The following ARHGEF28 variants were observed in gnomAD, a reference collection of about 807,000 sequenced individuals.
ARHGEF28 encodes the protein Rho guanine nucleotide exchange factor 28.
In ARHGEF28, 152 loss-of-function variants were observed where a neutral mutation model predicts 206.6. The observed-to-expected ratio is 0.74, with a 90% CI of 0.64 to 0.84. ARHGEF28 has a LOEUF of 0.84. ARHGEF28 is among the 40% of genes least tolerant of loss of function. The pLI is 0.00. For missense variants in ARHGEF28, 2,028 were observed against 2,073.2 expected, an observed-to-expected ratio of 0.98 and a Z score of 0.42; for synonymous variants, 763 against 776.4, an observed-to-expected ratio of 0.98 and a Z score of 0.29.
At chr5:73,820,034 G>A (rs1224626880) in intron 9 of ARHGEF28, among the ~76,000 whole-genome samples, 1 of 152,098 alleles carries the variant, frequency 6.6e-6, no homozygotes, top group East Asian at 1.9e-4. Flanking sequence ...CTTGAAGGCG[G>A]CCAGCCCATT....
chr5:73,765,711 T>A lies in ARHGEF28; in HGVS notation c.476-8144T>A, dbSNP rs147148990. 6.7e-4 allele frequency among the ~76,000 whole-genome samples: 102 copies of A among 152,316 alleles called. 2 individuals carry two copies. Among genetic ancestry groups the A allele is most frequent in the African/African-American group, 2.3e-3 (97 of 41,568 alleles). On this transcript the variant is annotated intron_variant, in intron 4 of 35. Transcript: ENST00000513042. ...TGTATCCACAGGGCCTGGCAGATAATAATGGTCTCATTCAATGTTTGTCTA... is the reference window on the plus strand; with the variant it reads ...TGTATCCACAGGGCCTGGCAGATAAAAATGGTCTCATTCAATGTTTGTCTA...
chr5:73,822,202 C>T (rs1026365330), intron 9 of ARHGEF28, among the ~76,000 whole-genome samples: 1 of 152,168 alleles, frequency 6.6e-6, no homozygotes, highest in Non-Finnish European at 1.5e-5. Flanking sequence ...ACAGCTCTCA[C>T]TCCCAGCACC....
intron 35 of ARHGEF28, among the ~76,000 whole-genome samples, chr5:73,917,063 G>T (rs1238691212): frequency 1.3e-5 from 2 of 152,142 alleles, no homozygotes; most frequent in Non-Finnish European, 2.9e-5. Flanking sequence ...GAGTCTATAG[G>T]TTTATTTCCT....
chr5:73,822,645 T>C (rs539208766), intron 9 of ARHGEF28, among the ~76,000 whole-genome samples: 2 of 152,274 alleles, frequency 1.3e-5, no homozygotes, highest in South Asian at 4.1e-4. Context: ...CCCCATTTTT[T>C]TTAGAGACAG....
chr5:73,873,393 A>G, intron 22 of ARHGEF28, 147 bp downstream of exon 22: 2 of 1,114,962 alleles, frequency 1.8e-6, no homozygotes, highest in Non-Finnish European at 2.5e-6. Context: ...GTTAGATTGT[A>G]ACTCCCAGTA....
At chr5:73,739,204 G>A (rs981641830) in intron 2 of ARHGEF28, among the ~76,000 whole-genome samples, 14 of 151,930 alleles carry the variant, frequency 9.2e-5, no homozygotes, top group Admixed American at 3.3e-4. Context: ...TTATAAATGT[G>A]TTCTTTAAGT....
In ARHGEF28 at chr5:73,759,984, C is replaced by T. The variant is rs1752518492; in HGVS notation, c.475+6782C>T. On this transcript the variant is annotated intron_variant, in intron 4 of 35. Transcript: ENST00000513042. The stretch of plus-strand genomic sequence containing the variant: ...GATTTGTTTAATGTTTGAAATGGAG[C>T]GTGGCTTGTGGTTTTATCTTTGAAT... Among the ~76,000 whole-genome samples the T allele has an allele frequency of 3.3e-5, 5 of 152,134 alleles. No homozygotes were observed. The South Asian group carries it at 1.0e-3, about 31-fold the overall frequency.
intron 22 of ARHGEF28, among the ~76,000 whole-genome samples, chr5:73,881,795 G>A (rs1247097872): frequency 6.6e-6 from 1 of 152,176 alleles, no homozygotes; most frequent in Non-Finnish European, 1.5e-5. Flanking sequence ...TGATTTCTAT[G>A]TGGATTTTCT....
chr5:73,691,394 C>G (rs761636645), intron 2 of ARHGEF28, among the ~76,000 whole-genome samples: 2 of 152,020 alleles, frequency 1.3e-5, no homozygotes, highest in South Asian at 2.1e-4. Context: ...TTCCCCTCAC[C>G]CCCATTTTAT....
chr5:73,643,407 C>A (rs1159893033), intron 1 of ARHGEF28, among the ~76,000 whole-genome samples: 1 of 152,154 alleles, frequency 6.6e-6, no homozygotes, highest in African/African-American at 2.4e-5. Context: ...CATTACATAA[C>A]TAGTGCAATT....
At chr5:73,921,543 G>A (rs1451701091) in intron 35 of ARHGEF28, among the ~76,000 whole-genome samples, 1 of 152,140 alleles carries the variant, frequency 6.6e-6, no homozygotes, top group Non-Finnish European at 1.5e-5. Context: ...AAAAATGTAG[G>A]CTTCCAAAGG....
intron 2 of ARHGEF28, among the ~76,000 whole-genome samples, chr5:73,744,386 G>A (rs1004458283): frequency 4.6e-5 from 7 of 152,028 alleles, no homozygotes; most frequent in African/African-American, 1.4e-4. Flanking sequence ...TACACATCTG[G>A]CTCTGGGATC....
chr5:73,841,091 G>C (rs1246022754), intron 11 of ARHGEF28, among the ~76,000 whole-genome samples: 1 of 152,152 alleles, frequency 6.6e-6, no homozygotes, highest in Non-Finnish European at 1.5e-5. Context: ...TGTGTAACTT[G>C]GGAAAATAAT....
chr5:73,733,480 A>G (rs1750726515), intron 2 of ARHGEF28, among the ~76,000 whole-genome samples: 1 of 152,186 alleles, frequency 6.6e-6, no homozygotes, highest in African/African-American at 2.4e-5. Context: ...TGACTTAACC[A>G]TGATGCTCTC....
chr5:73,716,357 G>T (rs73762172), intron 2 of ARHGEF28, among the ~76,000 whole-genome samples: 2,337 of 152,264 alleles, frequency 0.015, 58 homozygotes, highest in African/African-American at 0.053. Context: ...CAGGATATTT[G>T]TTTCTATTAA....
intron 4 of ARHGEF28, among the ~76,000 whole-genome samples, chr5:73,763,994 T>G (rs1422652343): frequency 6.6e-6 from 1 of 152,194 alleles, no homozygotes; most frequent in African/African-American, 2.4e-5. Context: ...TGTAGTTTTT[T>G]TGTATTAAAA....
At chr5:73,641,405 T>G (rs35900684) in intron 1 of ARHGEF28, among the ~76,000 whole-genome samples, 26,071 of 114,696 alleles carry the variant, frequency 0.23, 2,598 homozygotes, top group Non-Finnish European at 0.26. Flanking sequence ...GGGGAAAGGC[T>G]TTTTTTTTTT....
intron 2 of ARHGEF28, among the ~76,000 whole-genome samples, chr5:73,732,204 G>A (rs998231664): frequency 3.9e-5 from 6 of 152,040 alleles, no homozygotes; most frequent in African/African-American, 9.7e-5. Flanking sequence ...AGAATCCTCT[G>A]TGCTCTGCCT....
chr5:73,838,132 A>C (rs999074068), intron 10 of ARHGEF28, among the ~76,000 whole-genome samples: 1 of 152,260 alleles, frequency 6.6e-6, no homozygotes, highest in Admixed American at 6.5e-5. Context: ...GCATGCATTT[A>C]GAGAGAACTC....
Sources: gnomAD v4.1 joint callset for allele counts (sites outside exome capture counted in the v4.1 genomes callset) on GRCh38, gnomAD v4.1.1 for gene constraint, MANE v1.5 for transcripts, NCBI Gene and HGNC (gene_info 2026-07-23, HGNC 2026-07-21) for gene names.